KCNIP4: variants seen among roughly 807,000 people sequenced by gnomAD.
KCNIP4 encodes Kv channel-interacting protein 4.
In KCNIP4, 12 loss-of-function variants were observed where a neutral mutation model predicts 34.0. That is an observed-to-expected ratio of 0.35 (90% confidence interval 0.23 to 0.57). The LOEUF (loss-of-function observed/expected upper bound fraction) is 0.57, where lower values mean the gene tolerates loss of function less well. KCNIP4 is among the 20% of genes least tolerant of loss of function. The pLI, the probability that KCNIP4 is intolerant of heterozygous loss-of-function variation, is 0.83. For synonymous variants in KCNIP4, 124 were observed against 102.2 expected (o/e 1.21, Z -1.29); for missense variants, 238 against 311.7 (o/e 0.76, Z 1.78).
intron 1 of KCNIP4, among the ~76,000 whole-genome samples, chr4:21,476,552 C>G (rs1413801964): frequency 6.6e-6 from 1 of 151,966 alleles, no homozygotes; most frequent in Non-Finnish European, 1.5e-5. Context: ...GCACCTTGAT[C>G]TTGGACTTAC....
At chr4:21,394,985 A>G (rs1722866809) in intron 1 of KCNIP4, among the ~76,000 whole-genome samples, 1 of 152,068 alleles carries the variant, frequency 6.6e-6, no homozygotes, top group Admixed American at 6.6e-5. Flanking sequence ...CTAAGCCACA[A>G]TCCTTATATT....
intron 1 of KCNIP4, among the ~76,000 whole-genome samples, chr4:21,600,897 T>A (rs182800848): frequency 6.6e-6 from 1 of 151,896 alleles, no homozygotes; most frequent in Admixed American, 6.6e-5. Flanking sequence ...CTAATAGACA[T>A]CTCCTCTTGC....
intron 1 of KCNIP4, among the ~76,000 whole-genome samples, chr4:21,624,616 A>G (rs1418752308): frequency 6.6e-6 from 1 of 152,154 alleles, no homozygotes; most frequent in Non-Finnish European, 1.5e-5. Flanking sequence ...ATTTGACTCT[A>G]AAATGTCAGT....
intron 1 of KCNIP4, among the ~76,000 whole-genome samples, chr4:21,706,346 G>GA (rs1311886480): frequency 1.3e-5 from 2 of 152,108 alleles, no homozygotes; most frequent in Admixed American, 6.6e-5. Context: ...TAAAGTTACA[G>GA]AAAAATTTAG....
In KCNIP4 at chr4:21,524,794, AT is replaced by A. The variant is rs139681391; in HGVS notation, c.61+423776del. On this transcript the variant is annotated intron_variant, in intron 1 of 8. Coordinates refer to ENST00000382152, the MANE Select transcript of KCNIP4 (RefSeq NM_025221.6). Reference sequence around the variant, plus strand: ...GTGCTGTCTGTTTGCTTGACTAGTGATTTTTTTTTTATTTTTTGCATCATGC... The same window carrying A: ...GTGCTGTCTGTTTGCTTGACTAGTGATTTTTTTTTATTTTTTGCATCATGC... 6.4e-4 allele frequency among the ~76,000 whole-genome samples: 96 copies of A among 150,216 alleles called. No individual in the cohort carries two copies. The East Asian group carries it at 8.4e-3, about 13-fold the overall frequency.
intron 1 of KCNIP4, among the ~76,000 whole-genome samples, chr4:21,592,061 G>T (rs1560542975): frequency 6.6e-6 from 1 of 152,008 alleles, no homozygotes; most frequent in African/African-American, 2.4e-5. Flanking sequence ...AAAATATACT[G>T]GAGTAACAGA....
intron 1 of KCNIP4, among the ~76,000 whole-genome samples, chr4:21,093,547 A>T (rs900472985): frequency 3.7e-5 from 5 of 133,740 alleles, no homozygotes; most frequent in Admixed American, 3.6e-4. Context: ...TCCCAGGGAA[A>T]GAAATATGGA....
intron 3 of KCNIP4, among the ~76,000 whole-genome samples, chr4:20,781,922 G>A (rs149630186): frequency 6.0e-4 from 92 of 152,218 alleles, no homozygotes; most frequent in African/African-American, 1.8e-3. Flanking sequence ...CTGCCTATGA[G>A]CCTGTAAAAT....
chr4:20,866,886 C>T (rs572324040), intron 2 of KCNIP4, among the ~76,000 whole-genome samples: 4 of 152,014 alleles, frequency 2.6e-5, no homozygotes, highest in Non-Finnish European at 4.4e-5. Flanking sequence ...AAAGTGAAAT[C>T]GAGAACACAG....
chr4:21,796,485 T>C (rs1323430596), intron 1 of KCNIP4, among the ~76,000 whole-genome samples: 2 of 152,174 alleles, frequency 1.3e-5, no homozygotes, highest in African/African-American at 4.8e-5. Flanking sequence ...TCTGGTCATA[T>C]AGACACACAT....
chr4:21,662,652 T>C (rs1358475440), intron 1 of KCNIP4, among the ~76,000 whole-genome samples: 1 of 152,242 alleles, frequency 6.6e-6, no homozygotes, highest in African/African-American at 2.4e-5. Context: ...ATAAAAATGA[T>C]TGTAATAGCT....
chr4:21,831,663 C>CAAAAAAAAAA lies in KCNIP4; in HGVS notation c.61+116898_61+116907dup, dbSNP rs141374886. Among the ~76,000 whole-genome samples the CAAAAAAAAAA allele has an allele frequency of 2.9e-4, 21 of 73,232 alleles. 1 individual carries two copies. Among genetic ancestry groups the CAAAAAAAAAA allele is most frequent in the African/African-American group, 1.1e-3 (19 of 17,286 alleles). The allele number at this position is 73,232 out of a possible 152,430, so 48.0% of individuals were successfully genotyped here. On this transcript the variant is annotated intron_variant, in intron 1 of 8. Transcript: ENST00000382152. ...GAATCAGCAATTAAACATTTTTCAT[C>CAAAAAAAAAA]AAAAAAAAAAAAAAAAAAAAAAGCC...
intron 1 of KCNIP4, among the ~76,000 whole-genome samples, chr4:21,197,242 T>C (rs774342961): frequency 8.5e-5 from 13 of 152,340 alleles, no homozygotes; most frequent in South Asian, 4.1e-4. Context: ...TTTTGATAGA[T>C]ATATGCACTA....
At chr4:21,757,658 C>T (rs1344483183) in intron 1 of KCNIP4, among the ~76,000 whole-genome samples, 1 of 152,148 alleles carries the variant, frequency 6.6e-6, no homozygotes, top group Non-Finnish European at 1.5e-5. Flanking sequence ...TTTCTAGCAA[C>T]AAAAATATCA....
chr4:20,737,667 G>A (rs1439300046), intron 5 of KCNIP4, among the ~76,000 whole-genome samples: 6 of 152,204 alleles, frequency 3.9e-5, no homozygotes, highest in Admixed American at 2.6e-4. Context: ...TCTGAGGTTT[G>A]AGGAGAGAGG....
At chr4:21,772,276 CTTGA>C (rs1334456943) in intron 1 of KCNIP4, among the ~76,000 whole-genome samples, 3 of 152,178 alleles carry the variant, frequency 2.0e-5, no homozygotes, top group Non-Finnish European at 2.9e-5. Context: ...ATGAAGCTGA[CTTGA>C]TTGTGGTGGA....
chr4:21,750,853 A>G (rs1458064546), intron 1 of KCNIP4, among the ~76,000 whole-genome samples: 1 of 152,124 alleles, frequency 6.6e-6, no homozygotes, highest in Non-Finnish European at 1.5e-5. Flanking sequence ...GCTTCAAACA[A>G]TTCAGCCCTG....
At position 21,040,478 on chromosome 4, in the gene KCNIP4, A is replaced by G. The variant is rs151120311; in HGVS notation, c.62-157769T>C. Reference sequence around the variant, plus strand: ...GAAATATTTAATCTGAGGCTTCAGAAAATTGGATTTGGGTTTCTCAATTGG... The same window carrying G: ...GAAATATTTAATCTGAGGCTTCAGAGAATTGGATTTGGGTTTCTCAATTGG... On this transcript the variant is annotated intron_variant, in intron 1 of 8. Transcript: ENST00000382152. Among the ~76,000 whole-genome samples the G allele has an allele frequency of 5.2e-3, 793 of 152,346 alleles. 7 individuals are homozygous for G. Among genetic ancestry groups the G allele is most frequent in the African/African-American group, 0.018 (760 of 41,574 alleles).
intron 2 of KCNIP4, among the ~76,000 whole-genome samples, chr4:20,874,650 T>C (rs934611806): frequency 1.3e-5 from 2 of 151,464 alleles, no homozygotes; most frequent in African/African-American, 4.8e-5. Context: ...TTTCACTAAG[T>C]ATCAATGTGA....
Sources: gnomAD v4.1 joint callset for allele counts (sites outside exome capture counted in the v4.1 genomes callset) on GRCh38, gnomAD v4.1.1 for gene constraint, MANE v1.5 for transcripts, NCBI Gene and HGNC (gene_info 2026-07-23, HGNC 2026-07-21) for gene names.